The following CNTN5 variants were observed in gnomAD, a reference collection of about 807,000 sequenced individuals.
CNTN5 encodes the protein contactin-5.
A neutral mutation model predicts 129.1 loss-of-function variants in CNTN5; 77 were observed. The ratio of observed to expected loss-of-function variants is 0.60; its 90% CI spans 0.50 to 0.72. The LOEUF (loss-of-function observed/expected upper bound fraction) is 0.72. CNTN5 is among the 30% of genes least tolerant of loss of function. The probability of loss-of-function intolerance (pLI) is 0.00; values close to 1 mark genes in which losing one functional copy is unlikely to be tolerated. For missense variants in CNTN5, 1,478 were observed against 1,328.8 expected, an observed-to-expected ratio of 1.11 and a Z score of -1.75; for synonymous variants, 509 against 465.6, an observed-to-expected ratio of 1.09 and a Z score of -1.20.
intron 16 of CNTN5, among the ~76,000 whole-genome samples, chr11:100,228,871 A>G (rs761893616): frequency 6.6e-6 from 1 of 152,192 alleles, no homozygotes; most frequent in Non-Finnish European, 1.5e-5. Flanking sequence ...CTAAGATAAA[A>G]CATAAGCAGA....
intron 21 of CNTN5, among the ~76,000 whole-genome samples, chr11:100,313,952 G>A (rs764929206): frequency 6.6e-6 from 1 of 152,118 alleles, no homozygotes; most frequent in Admixed American, 6.6e-5. Context: ...TGCCTGTTTG[G>A]TTTACAGGTT....
chr11:99,735,032 C>T (rs990422828), intron 3 of CNTN5, among the ~76,000 whole-genome samples: 1 of 149,826 alleles, frequency 6.7e-6, no homozygotes, highest in African/African-American at 2.4e-5. Flanking sequence ...AACAAAAGTT[C>T]TGTAACCCAC....
At chr11:100,041,156 C>T (rs142117554) in intron 9 of CNTN5, among the ~76,000 whole-genome samples, 3 of 152,274 alleles carry the variant, frequency 2.0e-5, no homozygotes, top group Admixed American at 2.0e-4. Context: ...CTTTTTCTCT[C>T]ACAGCTCCAG....
intron 6 of CNTN5, among the ~76,000 whole-genome samples, chr11:99,863,274 T>C (rs1591329252): frequency 6.6e-6 from 1 of 152,044 alleles, no homozygotes; most frequent in East Asian, 1.9e-4. Context: ...ACAAAGTCAA[T>C]GAGAGATAAT....
chr11:99,025,263 A>G (rs1863061901), intron 1 of CNTN5, among the ~76,000 whole-genome samples: 1 of 151,922 alleles, frequency 6.6e-6, no homozygotes, highest in African/African-American at 2.4e-5. Context: ...TCTTTACTAG[A>G]AAATATGGAG....
At chr11:99,533,524 T>A (rs1001566194) in intron 2 of CNTN5, among the ~76,000 whole-genome samples, 1 of 152,228 alleles carries the variant, frequency 6.6e-6, no homozygotes, top group Non-Finnish European at 1.5e-5. Flanking sequence ...GACATCTCAC[T>A]CTCTGGTCTC....
intron 1 of CNTN5, among the ~76,000 whole-genome samples, chr11:99,190,335 C>G (rs1565389979): frequency 2.0e-5 from 3 of 151,508 alleles, no homozygotes. Flanking sequence ...TGTGATGCCT[C>G]TAGCTTATTT....
At chr11:99,285,133 A>C (rs1175786760) in intron 1 of CNTN5, among the ~76,000 whole-genome samples, 7 of 152,148 alleles carry the variant, frequency 4.6e-5, no homozygotes, top group Non-Finnish European at 1.0e-4. Flanking sequence ...CCTTCCAGGT[A>C]GGCACCTAGT....
intron 3 of CNTN5, among the ~76,000 whole-genome samples, chr11:99,703,066 A>C (rs374791811): frequency 6.6e-6 from 1 of 150,892 alleles, no homozygotes; most frequent in Non-Finnish European, 1.5e-5. Flanking sequence ...TCTATATAAT[A>C]AATGAAAATG....
chr11:100,309,410 C>T (rs1215347957), intron 21 of CNTN5: 1 of 969,550 alleles, frequency 1.0e-6, no homozygotes, highest in African/African-American at 1.8e-5. Flanking sequence ...ATAATGATTT[C>T]TATGATAAAA....
chr11:100,315,255 T>C (rs1173998187), intron 21 of CNTN5, among the ~76,000 whole-genome samples: 3 of 152,220 alleles, frequency 2.0e-5, no homozygotes, highest in Non-Finnish European at 4.4e-5. Flanking sequence ...GAAGCTTCCA[T>C]TACATCTTAA....
chr11:99,602,150 T>G (rs188832685), intron 3 of CNTN5, among the ~76,000 whole-genome samples: 61 of 152,118 alleles, frequency 4.0e-4, no homozygotes, highest in African/African-American at 1.5e-3. Flanking sequence ...ACTGAAGAGG[T>G]GCAGACAAAA....
intron 3 of CNTN5, among the ~76,000 whole-genome samples, chr11:99,711,223 G>T (rs1044076363): frequency 6.6e-6 from 1 of 151,834 alleles, no homozygotes; most frequent in African/African-American, 2.4e-5. Context: ...CAACTCTATA[G>T]AGATAGATGA....
intron 3 of CNTN5, among the ~76,000 whole-genome samples, chr11:99,660,317 C>G (rs1952548987): frequency 6.6e-6 from 1 of 151,962 alleles, no homozygotes; most frequent in Admixed American, 6.6e-5. Context: ...ATGTTGGTTG[C>G]CTAATGATTT....
At chr11:100,281,034 G>A (rs1056431264) in intron 18 of CNTN5, among the ~76,000 whole-genome samples, 2 of 151,852 alleles carry the variant, frequency 1.3e-5, no homozygotes, top group African/African-American at 4.8e-5. Context: ...ATATCTTATT[G>A]TACTGTCTAT....
At chr11:99,653,426 C>T (rs574683239) in intron 3 of CNTN5, among the ~76,000 whole-genome samples, 4 of 152,074 alleles carry the variant, frequency 2.6e-5, no homozygotes, top group Admixed American at 6.6e-5. Context: ...AAAAATTTTA[C>T]ATGTTCATAG....
chr11:99,337,205 T>A (rs1166404521), intron 2 of CNTN5, among the ~76,000 whole-genome samples: 1 of 152,164 alleles, frequency 6.6e-6, no homozygotes, highest in Non-Finnish European at 1.5e-5. Context: ...AGCTGTGGAA[T>A]TTAAGTTAAT....
chr11:100,057,458 T>G (rs1943283594), intron 9 of CNTN5, among the ~76,000 whole-genome samples: 1 of 151,698 alleles, frequency 6.6e-6, no homozygotes, highest in Admixed American at 6.6e-5. Flanking sequence ...ACTAAGTAAT[T>G]TATAATAATT....
At chr11:100,068,229 A>C (rs983828070) in intron 10 of CNTN5, among the ~76,000 whole-genome samples, 2 of 152,148 alleles carry the variant, frequency 1.3e-5, no homozygotes, top group Non-Finnish European at 2.9e-5. Flanking sequence ...AATTCTAACC[A>C]ACTAAAATAT....
Sources: allele counts gnomAD v4.1 joint callset (sites outside exome capture counted in the v4.1 genomes callset), GRCh38; gene constraint gnomAD v4.1.1; transcripts MANE v1.5; gene names NCBI Gene and HGNC (gene_info 2026-07-23, HGNC 2026-07-21).